The following ENTREP2 variants were observed in gnomAD, a reference collection of about 807,000 sequenced individuals.
ENTREP2 encodes endosomal transmembrane epsin interactor 2.
chr15:29,550,729 C>T, the ENTREP2 span, among the ~76,000 whole-genome samples: 1 of 152,216 alleles, frequency 6.6e-6, no homozygotes. Context: ...CAAAAGTTAA[C>T]TCACCTAAAC....
chr15:29,162,606 C>A, the ENTREP2 span, among the ~76,000 whole-genome samples: 5,671 of 152,118 alleles, frequency 0.037, 338 homozygotes, highest in African/African-American at 0.13. Context: ...GTACATAACT[C>A]CAGTGACCTG....
At chr15:29,206,009 C>T in the ENTREP2 span, among the ~76,000 whole-genome samples, 8 of 152,226 alleles carry the variant, frequency 5.3e-5, no homozygotes, top group Non-Finnish European at 1.0e-4. Context: ...AGCATCCCTG[C>T]TGGTGGTGGG....
the ENTREP2 span, among the ~76,000 whole-genome samples, chr15:29,587,138 C>CGTGTGTGTGTGTGTGTGTGT: frequency 4.0e-5 from 5 of 123,972 alleles, no homozygotes; most frequent in Non-Finnish European, 7.0e-5. Context: ...TGTAGCTAAC[C>CGTGTGTGTGTGTGTGTGTGT]GTGTGTGTGT....
At chr15:29,657,425 C>T in the ENTREP2 span, among the ~76,000 whole-genome samples, 1 of 136,528 alleles carries the variant, frequency 7.3e-6, no homozygotes, top group African/African-American at 2.7e-5. Context: ...AAGCAAAGGA[C>T]AAAGCTTCCA....
At chr15:29,493,527 G>A in the ENTREP2 span, among the ~76,000 whole-genome samples, 1 of 152,142 alleles carries the variant, frequency 6.6e-6, no homozygotes, top group Non-Finnish European at 1.5e-5. Flanking sequence ...TCAGGCAGAA[G>A]GATCACTTGA....
At chr15:29,530,623 C>A in the ENTREP2 span, among the ~76,000 whole-genome samples, 1 of 152,214 alleles carries the variant, frequency 6.6e-6, no homozygotes, top group Non-Finnish European at 1.5e-5. Flanking sequence ...TCCTGCTGTG[C>A]GGCTGCCGTC....
chr15:29,537,809 ATT>A, the ENTREP2 span, among the ~76,000 whole-genome samples: 1 of 152,034 alleles, frequency 6.6e-6, no homozygotes, highest in Non-Finnish European at 1.5e-5. Flanking sequence ...CTGTCCCATC[ATT>A]GTTTCCCATT....
the ENTREP2 span, among the ~76,000 whole-genome samples, chr15:29,183,518 T>C: frequency 6.6e-6 from 1 of 152,136 alleles, no homozygotes; most frequent in Non-Finnish European, 1.5e-5. Context: ...AATGAGAAAC[T>C]GGGAACAACC....
the ENTREP2 span, among the ~76,000 whole-genome samples, chr15:29,457,494 C>G: frequency 2.0e-5 from 3 of 152,168 alleles, no homozygotes; most frequent in South Asian, 6.2e-4. Context: ...GGCCCTGGCC[C>G]TGGTGCCTGC....
At chr15:29,402,484 T>A in the ENTREP2 span, among the ~76,000 whole-genome samples, 1 of 152,234 alleles carries the variant, frequency 6.6e-6, no homozygotes, top group East Asian at 1.9e-4. Flanking sequence ...CTGATTTTTG[T>A]ATCTTTTGTA....
chr15:29,231,885 C>CTTTTTTTTTTTTTTT, the ENTREP2 span, among the ~76,000 whole-genome samples: 34 of 129,964 alleles, frequency 2.6e-4, 6 homozygotes, highest in Admixed American at 4.1e-4. Context: ...GTTTTCTTTT[C>CTTTTTTTTTTTTTTT]TTTTCTTTCT....
At chr15:29,266,504 A>C in the ENTREP2 span, 14 of 152,350 alleles carry the variant, frequency 9.2e-5, no homozygotes, top group African/African-American at 3.1e-4. Flanking sequence ...AAAGACCTTA[A>C]ATGTCCAGAC....
the ENTREP2 span, among the ~76,000 whole-genome samples, chr15:29,277,984 C>G: frequency 2.1e-3 from 313 of 152,146 alleles, 2 homozygotes; most frequent in African/African-American, 7.0e-3. Flanking sequence ...TAAAAATATT[C>G]AAGGCAGACA....
the ENTREP2 span, among the ~76,000 whole-genome samples, chr15:29,474,806 C>T: frequency 6.6e-6 from 1 of 152,114 alleles, no homozygotes; most frequent in African/African-American, 2.4e-5. Context: ...TTACTCGCGC[C>T]TCAGCCTCCC....
At chr15:29,492,179 AACTT>A in the ENTREP2 span, among the ~76,000 whole-genome samples, 1 of 152,122 alleles carries the variant, frequency 6.6e-6, no homozygotes, top group Non-Finnish European at 1.5e-5. Flanking sequence ...TATTGCATGT[AACTT>A]ACTTCACTTC....
At chr15:29,556,849 C>T in the ENTREP2 span, among the ~76,000 whole-genome samples, 1 of 151,860 alleles carries the variant, frequency 6.6e-6, no homozygotes, top group East Asian at 1.9e-4. Context: ...CATCACCCAC[C>T]GCCAGTGTGA....
At chr15:29,210,003 A>G in the ENTREP2 span, among the ~76,000 whole-genome samples, 1 of 152,220 alleles carries the variant, frequency 6.6e-6, no homozygotes, top group African/African-American at 2.4e-5. Context: ...AATGCTTTTT[A>G]CTTTCTGCAT....
At chr15:29,424,377 CAGAGTGCTGATTGGTGTGTTTTTAT>C in the ENTREP2 span, among the ~76,000 whole-genome samples, 8 of 152,248 alleles carry the variant, frequency 5.3e-5, no homozygotes, top group African/African-American at 1.9e-4. Context: ...GTCCCTTTTA[CAGAGTGCTGATTGGTGTGTTTTTAT>C]AGAGTGCCGA....
At chr15:29,493,125 CTTTTT>C in the ENTREP2 span, among the ~76,000 whole-genome samples, 3 of 84,772 alleles carry the variant, frequency 3.5e-5, no homozygotes, top group African/African-American at 1.6e-4. Flanking sequence ...CCTGACAACC[CTTTTT>C]TTTTTTTTTT....
Sources: allele counts gnomAD v4.1 joint callset (sites outside exome capture counted in the v4.1 genomes callset), GRCh38; gene constraint gnomAD v4.1.1; transcripts MANE v1.5; gene names NCBI Gene and HGNC (gene_info 2026-07-23, HGNC 2026-07-21).